Variants in LMO1 observed in about 807,000 individuals in gnomAD.
LMO1 encodes LIM domain only 1, also known as rhombotin-1.
LMO1 carries 10 observed loss-of-function variants against 18.0 expected under a neutral mutation model. The observed-to-expected ratio is 0.55, with a 90% CI of 0.34 to 0.94. LMO1 has a LOEUF of 0.94. LMO1 is among the 40% of genes least tolerant of loss of function. The pLI is 0.02. For missense variants in LMO1, 183 were observed against 205.7 expected (o/e 0.89, Z 0.68); for synonymous variants, 77 against 77.9 (o/e 0.99, Z 0.06).
chr11:8,248,461 A>G (rs927142111), intron 1 of LMO1, among the ~76,000 whole-genome samples: 12 of 152,222 alleles, frequency 7.9e-5, no homozygotes, highest in Non-Finnish European at 1.6e-4. Flanking sequence ...ACCTGAGTCT[A>G]CAGACAGACC....
At chr11:8,230,551 C>T (rs772165040) in intron 1 of LMO1, 47 bp from the exon 2 acceptor site, 1 of 1,572,630 alleles carries the variant, frequency 6.4e-7, no homozygotes, top group East Asian at 2.2e-5. Context: ...CCCCGTAGCT[C>T]TGGGCCTCAA....
chr11:8,239,945 G>A (rs150212863), intron 1 of LMO1, among the ~76,000 whole-genome samples: 2 of 152,314 alleles, frequency 1.3e-5, no homozygotes, highest in African/African-American at 4.8e-5. Flanking sequence ...TGCTTGTCAT[G>A]ACCCTGAGTG....
At chr11:8,226,944 A>T in intron 3 of LMO1, 31 bp downstream of exon 3, 1 of 1,591,456 alleles carries the variant, frequency 6.3e-7, no homozygotes, top group Non-Finnish European at 8.6e-7. Flanking sequence ...GCGTCTGGGG[A>T]GTGTGTTGGG....
At chr11:8,236,403 A>T (rs1378039794) in intron 1 of LMO1, among the ~76,000 whole-genome samples, 1 of 151,582 alleles carries the variant, frequency 6.6e-6, no homozygotes, top group Non-Finnish European at 1.5e-5. Context: ...CAAGGTCTCA[A>T]CTATGTTGCC....
At chr11:8,243,246 G>A (rs1446827639) in intron 1 of LMO1, among the ~76,000 whole-genome samples, 5 of 151,624 alleles carry the variant, frequency 3.3e-5, no homozygotes, top group African/African-American at 4.8e-5. Context: ...AGAGAGAGAC[G>A]CTGAAAGCAA....
intron 1 of LMO1, among the ~76,000 whole-genome samples, chr11:8,261,853 T>G (rs1182213984): frequency 6.6e-6 from 1 of 152,060 alleles, no homozygotes; most frequent in Non-Finnish European, 1.5e-5. Context: ...GGTCCGTGAA[T>G]AGAGAAGACA....
chr11:8,267,046 G>A (rs529326930), upstream of LMO1, among the ~76,000 whole-genome samples: 8 of 152,294 alleles, frequency 5.3e-5, no homozygotes, highest in East Asian at 1.2e-3. Flanking sequence ...TTTGCAACCC[G>A]CTGGAGTGAA....
At chr11:8,252,357 G>A (rs368403991) in intron 1 of LMO1, among the ~76,000 whole-genome samples, 2 of 152,070 alleles carry the variant, frequency 1.3e-5, no homozygotes, top group African/African-American at 4.8e-5. Context: ...GAATGGAGCT[G>A]GTGAGGCATT....
intron 1 of LMO1, among the ~76,000 whole-genome samples, chr11:8,238,886 C>T (rs1308652790): frequency 2.0e-5 from 3 of 152,144 alleles, no homozygotes; most frequent in Non-Finnish European, 2.9e-5. Flanking sequence ...AATTTAAAAA[C>T]GGAGCTGAGA....
At chr11:8,255,929 C>T (rs1203303958) in intron 1 of LMO1, among the ~76,000 whole-genome samples, 1 of 147,652 alleles carries the variant, frequency 6.8e-6, no homozygotes, top group Non-Finnish European at 1.5e-5. Context: ...GGGTTCACGC[C>T]ATTCTCCTGC....
intron 3 of LMO1, among the ~76,000 whole-genome samples, chr11:8,225,595 C>G (rs1952524743): frequency 6.6e-6 from 1 of 152,086 alleles, no homozygotes; most frequent in Non-Finnish European, 1.5e-5. Flanking sequence ...GTTCCACTAT[C>G]TCCTCTCCTA....
intron 2 of LMO1, among the ~76,000 whole-genome samples, chr11:8,229,518 A>G (rs1309399299): frequency 6.6e-6 from 1 of 152,228 alleles, no homozygotes; most frequent in Non-Finnish European, 1.5e-5. Context: ...GGTCTCAGCC[A>G]AGGCCCTGCT....
intron 1 of LMO1, among the ~76,000 whole-genome samples, chr11:8,245,146 C>T (rs1014375043): frequency 4.6e-5 from 7 of 152,172 alleles, no homozygotes; most frequent in African/African-American, 1.7e-4. Flanking sequence ...GGTGGAACAA[C>T]TTATCTAAAG....
intron 1 of LMO1, 136 bp downstream of exon 1, chr11:8,263,202 C>T (rs1847218164): frequency 6.7e-6 from 5 of 743,758 alleles, no homozygotes; most frequent in Non-Finnish European, 9.5e-6. Flanking sequence ...CCAGCCCCGG[C>T]CCCCAGCGCG....
chr11:8,230,956 C>T (rs1952647360), intron 1 of LMO1, among the ~76,000 whole-genome samples: 1 of 152,228 alleles, frequency 6.6e-6, no homozygotes, highest in Admixed American at 6.5e-5. Flanking sequence ...TGTGCCAACT[C>T]GTCTTTCTCC....
At chr11:8,242,808 GACGTGAGC>G (rs1295086067) in intron 1 of LMO1, among the ~76,000 whole-genome samples, 2 of 152,256 alleles carry the variant, frequency 1.3e-5, no homozygotes, top group African/African-American at 4.8e-5. Context: ...CAGCATCAGG[GACGTGAGC>G]ACCAGCGCGC....
chr11:8,267,786 C>T (rs912070616), upstream of LMO1, among the ~76,000 whole-genome samples: 1 of 152,218 alleles, frequency 6.6e-6, no homozygotes, highest in African/African-American at 2.4e-5. Flanking sequence ...AGATGGCCCA[C>T]CCACCTACCC....
chr11:8,237,240 G>A (rs944975746), intron 1 of LMO1, among the ~76,000 whole-genome samples: 1 of 152,026 alleles, frequency 6.6e-6, no homozygotes, highest in African/African-American at 2.4e-5. Context: ...CCACACCCAG[G>A]CCCGGGAACT....
intron 3 of LMO1, 80 bp from the exon 4 acceptor site, chr11:8,224,801 G>A (rs1952504704): frequency 1.1e-6 from 1 of 891,134 alleles, no homozygotes; most frequent in Non-Finnish European, 1.8e-6. Flanking sequence ...AAGCCGGCCT[G>A]GCCTATGAGG....
Sources: gnomAD v4.1 joint callset for allele counts (sites outside exome capture counted in the v4.1 genomes callset) on GRCh38, gnomAD v4.1.1 for gene constraint, MANE v1.5 for transcripts, NCBI Gene and HGNC (gene_info 2026-07-23, HGNC 2026-07-21) for gene names.